Variants in NAALADL2 observed in about 807,000 individuals in gnomAD.
NAALADL2 encodes N-acetylated alpha-linked acidic dipeptidase like 2, also known as inactive N-acetylated-alpha-linked acidic dipeptidase-like protein 2.
Under a neutral mutation model 87.2 loss-of-function variants are expected in NAALADL2, and 76 were observed. The observed-to-expected ratio is 0.87, with a 90% CI of 0.72 to 1.05. The LOEUF (loss-of-function observed/expected upper bound fraction) is 1.05. Among genes scored for constraint, NAALADL2 ranks in the 50% least tolerant of loss-of-function variants. The pLI is 0.00. For synonymous variants in NAALADL2, 354 were observed against 331.0 expected (o/e 1.07, Z -0.75); for missense variants, 1,089 against 945.8 (o/e 1.15, Z -1.99).
chr3:174,464,096 C>T (rs1716377523), intron 1 of NAALADL2, among the ~76,000 whole-genome samples: 1 of 152,038 alleles, frequency 6.6e-6, no homozygotes, highest in South Asian at 2.1e-4. Flanking sequence ...AAAACCATCT[C>T]ATTTTTGAGC....
intron 3 of NAALADL2, among the ~76,000 whole-genome samples, chr3:174,852,864 A>G (rs542287851): frequency 7.4e-4 from 113 of 152,274 alleles, no homozygotes; most frequent in African/African-American, 2.6e-3. Flanking sequence ...ATGGATGCAT[A>G]GATGATGGAG....
At chr3:174,558,723 G>A (rs1420895296) in intron 2 of NAALADL2, among the ~76,000 whole-genome samples, 1 of 152,124 alleles carries the variant, frequency 6.6e-6, no homozygotes, top group Non-Finnish European at 1.5e-5. Flanking sequence ...CTCCTGCTGT[G>A]TGGCTTTTTC....
chr3:174,941,465 A>G (rs1348279684), intron 1 of NAALADL2, among the ~76,000 whole-genome samples: 1 of 152,054 alleles, frequency 6.6e-6, no homozygotes, highest in African/African-American at 2.4e-5. Flanking sequence ...AGAAGAGTAT[A>G]TATTCTGTTG....
At chr3:175,765,892 A>C (rs1200996143) in intron 13 of NAALADL2, among the ~76,000 whole-genome samples, 1 of 152,154 alleles carries the variant, frequency 6.6e-6, no homozygotes, top group African/African-American at 2.4e-5. Flanking sequence ...ACCGAGGCTT[A>C]GGAAAAGTTA....
At chr3:175,734,066 G>C (rs570980602) in intron 11 of NAALADL2, among the ~76,000 whole-genome samples, 3 of 152,172 alleles carry the variant, frequency 2.0e-5, no homozygotes, top group Admixed American at 2.0e-4. Context: ...GCTGTTGGTG[G>C]ATCTACCATT....
chr3:174,884,077 A>G (rs529070082), intron 1 of NAALADL2, among the ~76,000 whole-genome samples: 15 of 152,134 alleles, frequency 9.9e-5, no homozygotes, highest in Non-Finnish European at 1.9e-4. Flanking sequence ...TTCCAATTCA[A>G]TGGAATCATC....
intron 9 of NAALADL2, among the ~76,000 whole-genome samples, chr3:175,556,128 T>C (rs78133941): frequency 0.015 from 2,274 of 152,072 alleles, 52 homozygotes; most frequent in African/African-American, 0.05. Flanking sequence ...TAAGGGGAGG[T>C]AGTGATAACA....
chr3:175,397,907 C>T (rs577635734), intron 5 of NAALADL2, among the ~76,000 whole-genome samples: 1 of 152,154 alleles, frequency 6.6e-6, no homozygotes, highest in East Asian at 1.9e-4. Flanking sequence ...TCCCTAACCA[C>T]CCAGGTTGTA....
Position 174,805,315 on chromosome 3 carries a change from C to T in NAALADL2, c.-9+67569C>T, listed in dbSNP as rs371105466. 3.9e-5 allele frequency among the ~76,000 whole-genome samples: 6 copies of T among 152,004 alleles called. No individual in the cohort carries two copies. In the East Asian group the frequency reaches 9.6e-4, roughly 24 times the overall value. The stretch of plus-strand genomic sequence containing the variant: ...TCTCTCCTCTACTCTTAGATAGTGG[C>T]GATAAAAAGAAGAATATGTCTCCTA... On this transcript the variant is annotated intron_variant, in intron 3 of 3. Coordinates refer to the NAALADL2 transcript ENST00000434257.
intron 2 of NAALADL2, among the ~76,000 whole-genome samples, chr3:175,162,462 G>A (rs767895924): frequency 3.3e-5 from 5 of 152,118 alleles, no homozygotes; most frequent in Non-Finnish European, 5.9e-5. Context: ...TAGAGATGGA[G>A]GTATCATTTG....
At chr3:175,214,166 G>C (rs768870217) in intron 2 of NAALADL2, among the ~76,000 whole-genome samples, 1 of 152,092 alleles carries the variant, frequency 6.6e-6, no homozygotes, top group South Asian at 2.1e-4. Context: ...TTGATAGGTT[G>C]TGTTTATTAT....
chr3:174,927,472 A>G lies in NAALADL2; in HGVS notation c.43+68022A>G, dbSNP rs568570443. Among the ~76,000 whole-genome samples the G allele has an allele frequency of 4.1e-4, 62 of 152,320 alleles. 1 individual carries two copies. The highest frequency in any genetic ancestry group is 1.5e-3 in the African/African-American group (62 of 41,570). On this transcript the variant is annotated intron_variant, in intron 1 of 13. Transcript: ENST00000454872. Reference sequence around the variant, plus strand: ...CATAGTTGGAAGTAAAGCACTCCTCAGCAAATGTAAAAGTACAGAAATTAT... The same window carrying G: ...CATAGTTGGAAGTAAAGCACTCCTCGGCAAATGTAAAAGTACAGAAATTAT...
chr3:174,713,208 G>A (rs962173511), intron 2 of NAALADL2, among the ~76,000 whole-genome samples: 16 of 152,234 alleles, frequency 1.1e-4, no homozygotes, highest in Admixed American at 6.5e-4. Context: ...TATCATTGAC[G>A]GACATTTGGG....
chr3:174,945,563 A>G (rs898899622), intron 1 of NAALADL2, among the ~76,000 whole-genome samples: 2 of 152,192 alleles, frequency 1.3e-5, no homozygotes, highest in Admixed American at 1.3e-4. Flanking sequence ...GATATTCTTT[A>G]ATAGAATTCT....
At chr3:175,286,324 T>C (rs2110111191) in intron 4 of NAALADL2, among the ~76,000 whole-genome samples, 1 of 152,296 alleles carries the variant, frequency 6.6e-6, no homozygotes, top group South Asian at 2.1e-4. Context: ...GGAGATTTAC[T>C]GTGCATCCTC....
In NAALADL2 at chr3:175,275,352, T is replaced by C. The variant is rs1307633416; in HGVS notation, c.939+18822T>C. ...TGTTTTTAGGATTTCTTAATGTTTT[T>C]AGGATGATCTTAAGATTCTTAAAAA... On this transcript the variant is annotated intron_variant, in intron 4 of 13. Transcript: ENST00000454872. Among the ~76,000 whole-genome samples the C allele has an allele frequency of 3.9e-5, 6 of 152,202 alleles. No homozygotes were observed. In the South Asian group the frequency reaches 8.3e-4, roughly 21 times the overall value.
chr3:175,587,304 G>T (rs1440994041), intron 10 of NAALADL2, among the ~76,000 whole-genome samples: 1 of 152,064 alleles, frequency 6.6e-6, no homozygotes. Context: ...TTTTATTCTT[G>T]CTCTTGCTTC....
At chr3:174,783,012 T>G (rs1716177679) in intron 3 of NAALADL2, among the ~76,000 whole-genome samples, 1 of 152,162 alleles carries the variant, frequency 6.6e-6, no homozygotes, top group South Asian at 2.1e-4. Flanking sequence ...TTGGCGTCTC[T>G]TGGCTGTCTT....
intron 1 of NAALADL2, among the ~76,000 whole-genome samples, chr3:175,004,499 T>A (rs770207984): frequency 8.6e-5 from 13 of 151,408 alleles, no homozygotes; most frequent in Non-Finnish European, 1.6e-4. Flanking sequence ...ATTGTGGGGA[T>A]GCTACTGTGC....
Sources: gnomAD v4.1 joint callset for allele counts (sites outside exome capture counted in the v4.1 genomes callset) on GRCh38, gnomAD v4.1.1 for gene constraint, MANE v1.5 for transcripts, NCBI Gene and HGNC (gene_info 2026-07-23, HGNC 2026-07-21) for gene names.